Variants in MBOAT2 observed in about 807,000 individuals in gnomAD.
MBOAT2 encodes the protein membrane-bound glycerophospholipid O-acyltransferase 2.
In MBOAT2, 28 loss-of-function variants were observed where a neutral mutation model predicts 63.4. The ratio of observed to expected loss-of-function variants is 0.44; its 90% confidence interval spans 0.33 to 0.61. The LOEUF is 0.61. Among genes scored for constraint, MBOAT2 ranks in the 20% least tolerant of loss-of-function variants. MBOAT2 has a pLI of 0.03. For missense variants in MBOAT2, 470 were observed against 605.8 expected (o/e 0.78, Z 2.35); for synonymous variants, 211 against 215.6 (o/e 0.98, Z 0.19).
intron 2 of MBOAT2, among the ~76,000 whole-genome samples, chr2:8,943,466 A>C (rs547698237): frequency 1.3e-5 from 2 of 152,246 alleles, no homozygotes; most frequent in Non-Finnish European, 2.9e-5. Flanking sequence ...CTGGGGGGAA[A>C]AAACAAGGCC....
intron 1 of MBOAT2, among the ~76,000 whole-genome samples, chr2:9,000,586 A>T (rs1467784396): frequency 2.0e-5 from 3 of 152,220 alleles, no homozygotes; most frequent in African/African-American, 7.2e-5. Context: ...TGATGAGGCT[A>T]TGTTCTGAAA....
At chr2:8,965,582 C>T (rs1167323771) in intron 1 of MBOAT2, among the ~76,000 whole-genome samples, 1 of 152,156 alleles carries the variant, frequency 6.6e-6, no homozygotes, top group Non-Finnish European at 1.5e-5. Flanking sequence ...CATTCTGTCT[C>T]CACAAAAGAT....
At chr2:8,908,933 C>G (rs1363612001) in intron 3 of MBOAT2, among the ~76,000 whole-genome samples, 11 of 152,100 alleles carry the variant, frequency 7.2e-5, no homozygotes, top group Admixed American at 1.3e-4. Flanking sequence ...TCATTTTATT[C>G]ATTTCCTTCT....
chr2:8,950,521 G>A (rs577926648), intron 2 of MBOAT2, among the ~76,000 whole-genome samples: 45 of 152,178 alleles, frequency 3.0e-4, no homozygotes, highest in Admixed American at 7.2e-4. Flanking sequence ...TCCGCCTCCC[G>A]GGTTCATGCC....
At chr2:8,981,257 T>G (rs998887411) in intron 1 of MBOAT2, among the ~76,000 whole-genome samples, 1 of 152,218 alleles carries the variant, frequency 6.6e-6, no homozygotes, top group African/African-American at 2.4e-5. Flanking sequence ...ACAGCAGTGA[T>G]AGTTGCATGG....
intron 1 of MBOAT2, among the ~76,000 whole-genome samples, chr2:8,968,933 G>C (rs948370948): frequency 2.0e-5 from 3 of 152,120 alleles, no homozygotes; most frequent in Non-Finnish European, 4.4e-5. Flanking sequence ...GGGGAGAATG[G>C]AACCAAGTGG....
intron 3 of MBOAT2, among the ~76,000 whole-genome samples, chr2:8,927,724 G>C (rs1212468566): frequency 6.6e-6 from 1 of 152,100 alleles, no homozygotes; most frequent in Non-Finnish European, 1.5e-5. Context: ...GAAGGAGGAG[G>C]AGCATCACCT....
chr2:8,941,450 T>G (rs1428947621), intron 3 of MBOAT2, among the ~76,000 whole-genome samples: 1 of 152,222 alleles, frequency 6.6e-6, no homozygotes, highest in Non-Finnish European at 1.5e-5. Context: ...AGAAATGTTC[T>G]CTATCTGCAC....
In MBOAT2 at chr2:8,858,535, T is replaced by G. The variant is rs1661265363; in HGVS notation, c.*144A>C. On this transcript the variant is annotated 3_prime_UTR_variant, in exon 13 of 13. Transcript: ENST00000305997. ...GGCTTGTTTCACTCCATTTCCAATC[T>G]GGTGTACAGGAAATTCCTTATCTAT... 2 of 606,290 alleles carry G rather than the reference T, an allele frequency of 3.3e-6. No individual in the cohort carries two copies. The highest frequency in any genetic ancestry group is 5.6e-5 in the East Asian group (2 of 36,032). 37.6% of individuals were successfully genotyped at this position (606,290 alleles called of 1,614,324 possible). A position where few individuals can be genotyped will look rare whatever the true frequency, so the allele number is the denominator to read the frequency against.
chr2:8,854,280 T>C lies in MBOAT2; in HGVS notation c.*4399A>G, dbSNP rs1169291974. 6.6e-6 allele frequency: 1 copy of C among 152,184 alleles called. No individual in the cohort carries two copies. The highest frequency in any genetic ancestry group is 1.5e-5 in the Non-Finnish European group (1 of 68,026). The allele number at this position is 152,184 out of a possible 1,614,324, so 9.4% of individuals were successfully genotyped here. A position where few individuals can be genotyped will look rare whatever the true frequency, so the allele number is the denominator to read the frequency against. On this transcript the variant is annotated 3_prime_UTR_variant, in exon 13 of 13. Coordinates refer to ENST00000305997, the MANE Select transcript of MBOAT2 (RefSeq NM_138799.4). ...CACGCGTTCATCAAGAAACCCACTT[T>C]TACAAGGGCTGGAGAAAACAGAAAT...
intron 7 of MBOAT2, among the ~76,000 whole-genome samples, chr2:8,875,129 G>C (rs1283311388): frequency 6.6e-6 from 1 of 152,192 alleles, no homozygotes; most frequent in African/African-American, 2.4e-5. Flanking sequence ...CAACAGAAGA[G>C]CCAGTGGGCT....
At chr2:8,950,473 GC>G (rs1668751331) in intron 2 of MBOAT2, among the ~76,000 whole-genome samples, 1 of 152,138 alleles carries the variant, frequency 6.6e-6, no homozygotes, top group Non-Finnish European at 1.5e-5. Context: ...TGTCACTCAG[GC>G]TGGAGTGCAG....
At chr2:8,867,984 T>G (rs1355656171) in intron 9 of MBOAT2, among the ~76,000 whole-genome samples, 1 of 152,160 alleles carries the variant, frequency 6.6e-6, no homozygotes. Context: ...AACCTCATCC[T>G]TCATGACTCC....
intron 6 of MBOAT2, among the ~76,000 whole-genome samples, chr2:8,877,532 C>T (rs1328517528): frequency 6.6e-6 from 1 of 152,218 alleles, no homozygotes; most frequent in Non-Finnish European, 1.5e-5. Flanking sequence ...TTCTAACAAA[C>T]ACGTGCTGTG....
At chr2:8,935,802 T>A (rs2103216858) in intron 3 of MBOAT2, among the ~76,000 whole-genome samples, 1 of 152,346 alleles carries the variant, frequency 6.6e-6, no homozygotes, top group Non-Finnish European at 1.5e-5. Context: ...CCCATATATA[T>A]CTGACTCCAA....
At chr2:8,900,155 GA>G (rs1234622803) in intron 4 of MBOAT2, among the ~76,000 whole-genome samples, 1 of 152,056 alleles carries the variant, frequency 6.6e-6, no homozygotes, top group Admixed American at 6.6e-5. Context: ...TAGAACACAG[GA>G]CAACAGATGT....
chr2:8,914,119 G>A (rs903067798), intron 3 of MBOAT2, among the ~76,000 whole-genome samples: 3 of 152,196 alleles, frequency 2.0e-5, no homozygotes, highest in African/African-American at 7.2e-5. Context: ...GCTAAGCTAT[G>A]AGGATGCAAA....
intron 1 of MBOAT2, among the ~76,000 whole-genome samples, chr2:8,971,803 C>T (rs1670475428): frequency 6.6e-6 from 1 of 152,152 alleles, no homozygotes; most frequent in Non-Finnish European, 1.5e-5. Context: ...AGGAATCCAA[C>T]TTACAAGGGA....
chr2:8,934,518 A>G (rs1667530636), intron 3 of MBOAT2, among the ~76,000 whole-genome samples: 1 of 152,240 alleles, frequency 6.6e-6, no homozygotes, highest in Non-Finnish European at 1.5e-5. Context: ...ACAGTGACTG[A>G]CACATGGTAA....
Sources: allele counts gnomAD v4.1 joint callset (sites outside exome capture counted in the v4.1 genomes callset), GRCh38; gene constraint gnomAD v4.1.1; transcripts MANE v1.5; gene names NCBI Gene and HGNC (gene_info 2026-07-23, HGNC 2026-07-21).